Variants in CAMSAP1 observed in about 807,000 individuals in gnomAD.
The protein encoded by CAMSAP1 is calmodulin regulated spectrin associated protein 1.
Under a neutral mutation model 143.5 loss-of-function variants are expected in CAMSAP1, and 58 were observed. The observed-to-expected ratio is 0.40, with a 90% confidence interval of 0.33 to 0.50. CAMSAP1 has a LOEUF of 0.50. Among genes scored for constraint, CAMSAP1 ranks in the 20% least tolerant of loss-of-function variants. CAMSAP1 has a pLI of 0.45. For synonymous variants in CAMSAP1, 945 were observed against 859.3 expected (o/e 1.10, Z -1.74); for missense variants, 1,969 against 2,115.7 (o/e 0.93, Z 1.36).
chr9:135,817,044 T>C (rs1004659471), intron 14 of CAMSAP1, among the ~76,000 whole-genome samples: 1 of 152,300 alleles, frequency 6.6e-6, no homozygotes, highest in African/African-American at 2.4e-5. Context: ...AGGAAGCCGA[T>C]ACTGAGAGGC....
chr9:135,894,346 A>G (rs989566526), intron 1 of CAMSAP1, among the ~76,000 whole-genome samples: 3 of 152,192 alleles, frequency 2.0e-5, no homozygotes, highest in African/African-American at 7.2e-5. Flanking sequence ...CACTGAGGGA[A>G]GCCATCCGAG....
intron 7 of CAMSAP1, among the ~76,000 whole-genome samples, chr9:135,849,032 A>C (rs1836676681): frequency 6.6e-6 from 1 of 152,262 alleles, no homozygotes; most frequent in African/African-American, 2.4e-5. Flanking sequence ...ATATATCTGG[A>C]GGATATATAC....
At chr9:135,850,773 C>T (rs1233910518) in intron 5 of CAMSAP1, among the ~76,000 whole-genome samples, 1 of 152,220 alleles carries the variant, frequency 6.6e-6, no homozygotes, top group Non-Finnish European at 1.5e-5. Flanking sequence ...ACAGCAGAGC[C>T]ATGCTGCACG....
At chr9:135,888,693 G>A (rs961771517) in intron 1 of CAMSAP1, among the ~76,000 whole-genome samples, 4 of 152,196 alleles carry the variant, frequency 2.6e-5, no homozygotes, top group Non-Finnish European at 4.4e-5. Flanking sequence ...CCTGGAAAAC[G>A]TGGATACTCT....
At chr9:135,902,096 G>C (rs1838634963) in intron 1 of CAMSAP1, among the ~76,000 whole-genome samples, 1 of 152,148 alleles carries the variant, frequency 6.6e-6, no homozygotes, top group South Asian at 2.1e-4. Flanking sequence ...GTGGTTCTCA[G>C]GACACCTCTG....
In CAMSAP1 at chr9:135,907,476, G is replaced by A. The variant is rs1838824151; in HGVS notation, c.-317C>T. On this transcript the variant is annotated 5_prime_UTR_variant, in exon 1 of 17. Coordinates refer to ENST00000389532, the MANE Select transcript of CAMSAP1 (RefSeq NM_015447.4). ...CGGGCCGGGGGCGGTGGCAGCGCGT[G>A]CGCGGTCCCGGGTGAGCGGCGGCGG... Among the ~76,000 whole-genome samples, 1 of 146,704 alleles carries A rather than the reference G, an allele frequency of 6.8e-6. No individual in the cohort carries two copies. The highest frequency in any genetic ancestry group is 2.5e-5 in the African/African-American group (1 of 40,736).
intron 1 of CAMSAP1, among the ~76,000 whole-genome samples, chr9:135,902,611 C>G (rs1004316930): frequency 1.3e-5 from 2 of 152,164 alleles, no homozygotes; most frequent in Non-Finnish European, 2.9e-5. Flanking sequence ...GTTAGCAAAC[C>G]GGAGTGTAAA....
rs941020055 is a variant in CAMSAP1, at chr9:135,809,944, T to C, written c.*1365A>G. The C allele has an allele frequency of 2.0e-5, 3 of 152,658 alleles. No individual in the cohort carries two copies. Among genetic ancestry groups the C allele is most frequent in the Non-Finnish European group, 4.4e-5 (3 of 68,034 alleles). 9.5% of individuals were successfully genotyped at this position (152,658 alleles called of 1,614,324 possible). ...TTGTCTATCTAAAATTATGTAACAG[T>C]TAAATTTGTCTCTTTTTCTCCCAAT... On this transcript the variant is annotated 3_prime_UTR_variant, in exon 17 of 17. Transcript: ENST00000389532.
chr9:135,876,211 C>G (rs759392598), intron 3 of CAMSAP1, among the ~76,000 whole-genome samples: 62 of 152,182 alleles, frequency 4.1e-4, no homozygotes, highest in Non-Finnish European at 6.9e-4. Context: ...CCTCGGCCTC[C>G]CAAAGTGCTG....
chr9:135,828,044 C>T (rs917446324), intron 7 of CAMSAP1, among the ~76,000 whole-genome samples: 7 of 152,266 alleles, frequency 4.6e-5, no homozygotes, highest in South Asian at 2.1e-4. Context: ...GTCAGAAGGG[C>T]GCTTCTCTAG....
chr9:135,855,245 GC>G (rs1836914806), intron 5 of CAMSAP1, among the ~76,000 whole-genome samples: 1 of 152,004 alleles, frequency 6.6e-6, no homozygotes, highest in African/African-American at 2.4e-5. Flanking sequence ...ACCCACCTTG[GC>G]CTCCCAAAGG....
At position 135,824,341 on chromosome 9, in the gene CAMSAP1, G is replaced by A. The variant is rs551096285; in HGVS notation, c.1316-307C>T. Among the ~76,000 whole-genome samples, 6 of 152,308 alleles carry A rather than the reference G, an allele frequency of 3.9e-5. No homozygotes were observed. The highest frequency in any genetic ancestry group is 1.4e-4 in the African/African-American group (6 of 41,562). ...AAGACTATACATTTTGACAACACAA[G>A]TTAAAATTTATTTGGCTACAGTCTT... On this transcript the variant is annotated intron_variant, in intron 9 of 16. Transcript: ENST00000389532. The surrounding 1 kb of genome is among the most constrained non-coding windows in gnomAD (Gnocchi z 4.1).
chr9:135,878,318 G>A (rs955079943), intron 3 of CAMSAP1, among the ~76,000 whole-genome samples: 15 of 152,150 alleles, frequency 9.9e-5, no homozygotes, highest in African/African-American at 2.9e-4. Flanking sequence ...ATGCCACAGA[G>A]GAGGAGAGAC....
intron 5 of CAMSAP1, among the ~76,000 whole-genome samples, chr9:135,856,370 C>T (rs752259176): frequency 1.3e-5 from 2 of 152,306 alleles, no homozygotes; most frequent in Non-Finnish European, 2.9e-5. Flanking sequence ...ACCACGAGAA[C>T]AGTATGGGGG....
At chr9:135,887,478 T>A (rs370933967) in intron 1 of CAMSAP1, among the ~76,000 whole-genome samples, 9 of 152,138 alleles carry the variant, frequency 5.9e-5, no homozygotes, top group African/African-American at 2.2e-4. Context: ...AAGATGTGTC[T>A]GCTTTAAGGA....
At chr9:135,898,614 T>C (rs1308598187) in intron 1 of CAMSAP1, among the ~76,000 whole-genome samples, 1 of 152,136 alleles carries the variant, frequency 6.6e-6, no homozygotes, top group Non-Finnish European at 1.5e-5. Context: ...CCAATAAGCA[T>C]ATAAAAATGC....
rs143651106 is a variant in CAMSAP1, at chr9:135,813,407, GTAT to G, written c.4506+1687_4506+1689del. 2.1e-4 allele frequency among the ~76,000 whole-genome samples: 32 copies of G among 152,278 alleles called. No homozygotes were observed. In the East Asian group the frequency reaches 6.2e-3, roughly 29 times the overall value. On this transcript the variant is annotated intron_variant, in intron 16 of 16. Transcript: ENST00000389532. ...TGGGGTTTATTATTTTAAATAATAC[GTAT>G]TTTTTAAAAGAATCCAAAACTGTCT... is the stretch of plus-strand genomic sequence containing the variant.
chr9:135,856,474 G>T (rs1229796012), intron 5 of CAMSAP1, among the ~76,000 whole-genome samples: 2 of 152,152 alleles, frequency 1.3e-5, no homozygotes, highest in East Asian at 3.9e-4. Context: ...TTTAGGTAGG[G>T]ACACAGAGCC....
intron 1 of CAMSAP1, among the ~76,000 whole-genome samples, chr9:135,893,938 C>A (rs906240575): frequency 1.1e-4 from 16 of 152,192 alleles, no homozygotes; most frequent in Admixed American, 1.0e-3. Context: ...AAGAGGAAAG[C>A]AAACTGGCTT....
Sources: allele counts gnomAD v4.1 joint callset (sites outside exome capture counted in the v4.1 genomes callset), GRCh38; gene constraint gnomAD v4.1.1; non-coding constraint Gnocchi (gnomAD v3.1); transcripts MANE v1.5; gene names NCBI Gene and HGNC (gene_info 2026-07-23, HGNC 2026-07-21).